Variants in PRKG1 observed in about 807,000 individuals in gnomAD.
The protein encoded by PRKG1 is cGMP-dependent protein kinase 1.
In PRKG1, 35 loss-of-function variants were observed where a neutral mutation model predicts 88.1. The ratio of observed to expected loss-of-function variants is 0.40; its 90% CI spans 0.30 to 0.53. The LOEUF (loss-of-function observed/expected upper bound fraction) is 0.53. Ranked by LOEUF, PRKG1 falls within the 20% of genes least tolerant of loss-of-function variation. The pLI is 0.59. For synonymous variants in PRKG1, 303 were observed against 292.5 expected (o/e 1.04, Z -0.37); for missense variants, 540 against 839.8 (o/e 0.64, Z 4.41).
chr10:51,581,441 G>A (rs1838032164), intron 3 of PRKG1, among the ~76,000 whole-genome samples: 1 of 152,050 alleles, frequency 6.6e-6, no homozygotes, highest in Non-Finnish European at 1.5e-5. Context: ...GGCAAGATGA[G>A]GGCATTTATA....
At chr10:51,556,500 T>C (rs1837315557) in intron 3 of PRKG1, among the ~76,000 whole-genome samples, 1 of 151,856 alleles carries the variant, frequency 6.6e-6, no homozygotes, top group African/African-American at 2.4e-5. Flanking sequence ...TCATCAATGG[T>C]GGACTGGAAA....
At chr10:52,030,865 C>G (rs10740411) in intron 5 of PRKG1, among the ~76,000 whole-genome samples, 1 of 151,952 alleles carries the variant, frequency 6.6e-6, no homozygotes, top group Non-Finnish European at 1.5e-5. Flanking sequence ...AAGAGGAATT[C>G]TATGGAAATT....
At chr10:51,588,271 C>T (rs1838222572) in intron 3 of PRKG1, among the ~76,000 whole-genome samples, 2 of 152,174 alleles carry the variant, frequency 1.3e-5, no homozygotes, top group South Asian at 2.1e-4. Flanking sequence ...CACTATCATC[C>T]ATACCTTTGA....
At chr10:51,733,645 A>G (rs945359133) in intron 3 of PRKG1, among the ~76,000 whole-genome samples, 1 of 152,232 alleles carries the variant, frequency 6.6e-6, no homozygotes, top group East Asian at 1.9e-4. Flanking sequence ...AAGAATTCCA[A>G]TAACAGGCTT....
At chr10:51,220,049 G>A (rs755954842) in intron 2 of PRKG1, among the ~76,000 whole-genome samples, 68 of 152,204 alleles carry the variant, frequency 4.5e-4, no homozygotes, top group Non-Finnish European at 7.2e-4. Context: ...GAAGGCAGAA[G>A]AGGAGGGCAG....
chr10:52,079,031 A>C (rs1273978920), intron 7 of PRKG1, among the ~76,000 whole-genome samples: 1 of 152,194 alleles, frequency 6.6e-6, no homozygotes, highest in Admixed American at 6.5e-5. Flanking sequence ...TTCTTTCTCA[A>C]ATGCATTAAT....
rs141931770 is a variant in PRKG1, at chr10:52,192,511, A to G, written c.1076+30548A>G. On this transcript the variant is annotated intron_variant, in intron 9 of 17. Coordinates refer to ENST00000373980, the MANE Select transcript of PRKG1 (RefSeq NM_006258.4). Reference sequence around the variant, plus strand: ...AAGGGAGTAGCATATTAAGTTACAAACTACATGTATGATTCTTCAAGAAAG... The same window carrying G: ...AAGGGAGTAGCATATTAAGTTACAAGCTACATGTATGATTCTTCAAGAAAG... 2.8e-3 allele frequency among the ~76,000 whole-genome samples: 424 copies of G among 152,258 alleles called. 2 individuals carry two copies. Among genetic ancestry groups the G allele is most frequent in the Non-Finnish European group, 5.0e-3 (338 of 68,010 alleles).
chr10:51,668,881 G>T (rs12244462), intron 3 of PRKG1, among the ~76,000 whole-genome samples: 1,720 of 152,048 alleles, frequency 0.011, 33 homozygotes, highest in African/African-American at 0.039. Context: ...AAATTTTATT[G>T]TTTCTAAAAT....
intron 4 of PRKG1, among the ~76,000 whole-genome samples, chr10:51,899,476 C>G (rs915265818): frequency 1.3e-5 from 2 of 151,300 alleles, no homozygotes; most frequent in Non-Finnish European, 2.9e-5. Flanking sequence ...ACCAGCCTGA[C>G]TAACATGGTG....
chr10:52,101,176 G>T (rs1218324142), intron 7 of PRKG1, among the ~76,000 whole-genome samples: 2 of 152,048 alleles, frequency 1.3e-5, no homozygotes, highest in African/African-American at 4.8e-5. Flanking sequence ...AAATATGCAA[G>T]CAGGTTTATT....
At chr10:51,735,267 A>T (rs1837235637) in intron 3 of PRKG1, among the ~76,000 whole-genome samples, 1 of 152,126 alleles carries the variant, frequency 6.6e-6, no homozygotes, top group Non-Finnish European at 1.5e-5. Flanking sequence ...CCTTGCGCAG[A>T]GTTCAGTTTC....
chr10:51,045,466 G>A (rs1843477098), intron 1 of PRKG1, among the ~76,000 whole-genome samples: 1 of 152,008 alleles, frequency 6.6e-6, no homozygotes, highest in Non-Finnish European at 1.5e-5. Flanking sequence ...GGGACTACAG[G>A]CATGTGCCAC....
intron 2 of PRKG1, among the ~76,000 whole-genome samples, chr10:51,447,073 T>C (rs1403840678): frequency 6.6e-6 from 1 of 152,018 alleles, no homozygotes; most frequent in Non-Finnish European, 1.5e-5. Context: ...ATACTGTGTG[T>C]TTTATAATAC....
At chr10:51,492,965 T>G (rs1840746679) in intron 3 of PRKG1, among the ~76,000 whole-genome samples, 1 of 152,112 alleles carries the variant, frequency 6.6e-6, no homozygotes, top group Non-Finnish European at 1.5e-5. Context: ...GTATATAAAT[T>G]TCCTTGAACC....
chr10:52,056,770 T>C lies in PRKG1; in HGVS notation c.840+2209T>C, dbSNP rs372681983. Among the ~76,000 whole-genome samples the C allele has an allele frequency of 9.9e-5, 15 of 152,050 alleles. No homozygotes were observed. In the East Asian group the frequency reaches 2.3e-3, roughly 23 times the overall value. Reference sequence around the variant, plus strand: ...ATAATTGTATTAATTTTATTCATTCTAATACTAATATATTAACAATATTAA... The same window carrying C: ...ATAATTGTATTAATTTTATTCATTCCAATACTAATATATTAACAATATTAA... On this transcript the variant is annotated intron_variant, in intron 6 of 17. Coordinates refer to ENST00000373980, the MANE Select transcript of PRKG1 (RefSeq NM_006258.4).
chr10:51,999,634 T>C (rs1448279125), intron 5 of PRKG1, among the ~76,000 whole-genome samples: 1 of 152,124 alleles, frequency 6.6e-6, no homozygotes, highest in Non-Finnish European at 1.5e-5. Flanking sequence ...TCTAGAACCA[T>C]GGATACATAA....
In PRKG1 at chr10:51,853,273, T is replaced by G. The variant is rs573942505; in HGVS notation, c.698+48583T>G. ...ATGTGCCAGAAACTATTCTAAGTTG[T>G]GTACAATGGATAGTAAATAAATATT... is the stretch of plus-strand genomic sequence containing the variant. On this transcript the variant is annotated intron_variant, in intron 4 of 17. Transcript: ENST00000373980. 1.3e-5 allele frequency among the ~76,000 whole-genome samples: 2 copies of G among 152,316 alleles called. 1 individual carries two copies. The highest frequency in any genetic ancestry group is 4.1e-4 in the South Asian group (2 of 4,834).
chr10:52,186,550 A>G (rs901786547), intron 9 of PRKG1, among the ~76,000 whole-genome samples: 1 of 152,128 alleles, frequency 6.6e-6, no homozygotes, highest in Non-Finnish European at 1.5e-5. Context: ...GGAGGGGACA[A>G]GCATTCAAAT....
rs192348384 is a variant in PRKG1, at chr10:51,913,160, C to T, written c.762+5590C>T. On this transcript the variant is annotated intron_variant, in intron 5 of 17. Transcript: ENST00000373980. ...GCCAGGCTGGTCTTGAACGCCTGAC[C>T]TCAGGTGATCCGCCCGCCTTGGCCT... Among the ~76,000 whole-genome samples the T allele has an allele frequency of 7.9e-3, 1,200 of 152,250 alleles. 22 individuals are homozygous for T. Among genetic ancestry groups the T allele is most frequent in the African/African-American group, 0.027 (1,136 of 41,546 alleles).
Sources: allele counts gnomAD v4.1 joint callset (sites outside exome capture counted in the v4.1 genomes callset), GRCh38; gene constraint gnomAD v4.1.1; transcripts MANE v1.5; gene names NCBI Gene and HGNC (gene_info 2026-07-23, HGNC 2026-07-21).